The following GLI2 variants were observed in gnomAD, a reference collection of about 807,000 sequenced individuals.
GLI2 encodes transcription activator GLI2.
In GLI2, 22 loss-of-function variants were observed where a neutral mutation model predicts 78.9. The observed-to-expected ratio is 0.28, with a 90% CI of 0.20 to 0.40. GLI2 has a LOEUF of 0.40. GLI2 is among the 10% of genes least tolerant of loss of function. GLI2 has a pLI of 1.00. For missense variants in GLI2, 2,097 were observed against 2,213.2 expected (o/e 0.95, Z 1.05); for synonymous variants, 974 against 963.7 (o/e 1.01, Z -0.20).
At chr2:120,804,477 G>GCC (rs1684852830) in intron 2 of GLI2, among the ~76,000 whole-genome samples, 1 of 152,236 alleles carries the variant, frequency 6.6e-6, no homozygotes, top group Non-Finnish European at 1.5e-5. Flanking sequence ...GCTGGCCGTG[G>GCC]TCTTTGGCCC....
intron 3 of GLI2, among the ~76,000 whole-genome samples, chr2:120,938,855 C>G (rs1477132051): frequency 6.6e-6 from 1 of 152,220 alleles, no homozygotes; most frequent in Non-Finnish European, 1.5e-5. Flanking sequence ...AGTTCCCCAC[C>G]AGCGCCAGCC....
At chr2:120,804,089 C>A (rs1684827945) in intron 2 of GLI2, among the ~76,000 whole-genome samples, 2 of 152,154 alleles carry the variant, frequency 1.3e-5, no homozygotes, top group African/African-American at 4.8e-5. Flanking sequence ...TTCTGAGGCA[C>A]AGTTTTGCTT....
At position 120,904,586 on chromosome 2, in the gene GLI2, A is replaced by C. The variant is rs1251499452; in HGVS notation, c.149-22775A>C. Among the ~76,000 whole-genome samples, 4 of 152,142 alleles carry C rather than the reference A, an allele frequency of 2.6e-5. 1 individual carries two copies. The South Asian group carries it at 8.3e-4, about 32-fold the overall frequency. ...AAGGGAAGTGGCACTGTGACTGAGGAAGGACCCACCTTCCCAGGAGGAGGG... is the reference window on the plus strand; with the variant it reads ...AAGGGAAGTGGCACTGTGACTGAGGCAGGACCCACCTTCCCAGGAGGAGGG... On this transcript the variant is annotated intron_variant, in intron 2 of 13. Coordinates refer to ENST00000361492, the MANE Select transcript of GLI2 (RefSeq NM_001374353.1).
chr2:120,965,940 G>A (rs904538849), intron 5 of GLI2, among the ~76,000 whole-genome samples: 9 of 152,202 alleles, frequency 5.9e-5, no homozygotes, highest in Non-Finnish European at 1.2e-4. Context: ...ATCCCCAGAA[G>A]CAACTATGGA....
chr2:120,797,604 C>A, intron 2 of GLI2, 136 bp downstream of exon 2: 2 of 816,182 alleles, frequency 2.5e-6, no homozygotes, highest in Non-Finnish European at 3.9e-6. Context: ...GGCACCTCTG[C>A]TCCCAGGAAT....
intron 9 of GLI2, among the ~76,000 whole-genome samples, chr2:120,975,908 G>A (rs567245536): frequency 2.6e-5 from 4 of 152,232 alleles, no homozygotes; most frequent in Admixed American, 1.3e-4. Context: ...CCTATAAAGG[G>A]GGTTGATGCT....
intron 2 of GLI2, among the ~76,000 whole-genome samples, chr2:120,881,812 A>AAG (rs1677164872): frequency 8.2e-4 from 18 of 21,990 alleles, no homozygotes; most frequent in South Asian, 3.3e-3. Context: ...AGTGGGGGAG[A>AAG]ACAGTCGTGG....
intron 2 of GLI2, among the ~76,000 whole-genome samples, chr2:120,824,436 G>A (rs770271159): frequency 2.6e-5 from 4 of 152,208 alleles, no homozygotes; most frequent in Non-Finnish European, 2.9e-5. Flanking sequence ...TCGCCACCCC[G>A]GGAAGCTGCT....
At chr2:120,764,740 C>T (rs906095462) in intron 1 of GLI2, among the ~76,000 whole-genome samples, 5 of 152,176 alleles carry the variant, frequency 3.3e-5, no homozygotes, top group African/African-American at 1.2e-4. Flanking sequence ...GTTGCTATTT[C>T]GAAGACTCTG....
intron 1 of GLI2, among the ~76,000 whole-genome samples, chr2:120,739,665 C>T (rs568807109): frequency 4.0e-4 from 61 of 152,224 alleles, no homozygotes; most frequent in Non-Finnish European, 5.9e-4. Context: ...CAGCTGTTCC[C>T]GCTGGGCCAG....
At chr2:120,950,186 G>A (rs528410695) in intron 3 of GLI2, among the ~76,000 whole-genome samples, 7 of 152,322 alleles carry the variant, frequency 4.6e-5, no homozygotes, top group African/African-American at 9.6e-5. Context: ...ACTGAGGCTC[G>A]GAGAGGTTAC....
chr2:120,990,590 G>C lies in GLI2; in HGVS notation c.4625G>C (p.Gly1542Ala). 6.2e-7 allele frequency: 1 copy of C among 1,613,856 alleles called. No individual in the cohort carries two copies. The highest frequency in any genetic ancestry group is 1.3e-5 in the African/African-American group (1 of 75,010). The change falls in exon 14 of 14, where the codon GGC becomes GCC. Residue 1542 changes from glycine (G) to alanine (A), a missense_variant. Physicochemically the swap from Gly to Ala is moderately conservative, Grantham distance 60. This residue lies in a region of GLI2 where 1,290 missense variants were observed against 1,261.7 expected (regional missense o/e 1.02). Transcript: ENST00000361492. Reference protein sequence around the residue: ...NSLTLPSIPAGISNMAVGDMS... With the variant: ...NSLTLPSIPAAISNMAVGDMS... Reference sequence around the variant, plus strand: ...TTGACCCTGCCCTCCATCCCCGCAGGCATCAGCAACATGGCTGTCGGGGAC... The same window carrying C: ...TTGACCCTGCCCTCCATCCCCGCAGCCATCAGCAACATGGCTGTCGGGGAC...
At chr2:120,798,784 G>C (rs941114370) in intron 2 of GLI2, among the ~76,000 whole-genome samples, 2 of 152,124 alleles carry the variant, frequency 1.3e-5, no homozygotes, top group African/African-American at 4.8e-5. Context: ...CTGGTGGAGC[G>C]GCCCTGGTCC....
intron 1 of GLI2, among the ~76,000 whole-genome samples, chr2:120,767,975 C>A (rs538166714): frequency 6.6e-6 from 1 of 152,342 alleles, no homozygotes; most frequent in South Asian, 2.1e-4. Flanking sequence ...CCCCCCACCA[C>A]AGTCAGTGCT....
At chr2:120,986,193 T>C in intron 12 of GLI2, 85 bp from the exon 13 acceptor site, 1 of 1,230,498 alleles carries the variant, frequency 8.1e-7, no homozygotes, top group Admixed American at 1.8e-5. Flanking sequence ...TGGGCGAGGG[T>C]GTGGTGCCTG....
Position 120,970,386 on chromosome 2 carries a change from G to T in GLI2, c.846-7G>T, listed in dbSNP as rs750821749. The T allele has an allele frequency of 6.4e-7, 1 of 1,572,246 alleles. No homozygotes were observed. Among genetic ancestry groups the T allele is most frequent in the Non-Finnish European group, 8.8e-7 (1 of 1,142,440 alleles). On this transcript the variant is annotated splice_polypyrimidine_tract_variant and splice_region_variant and intron_variant, in intron 6 of 13. Coordinates refer to ENST00000361492, the MANE Select transcript of GLI2 (RefSeq NM_001374353.1). Reference sequence around the variant, plus strand: ...ACCCCCACTTCCTTGTCTGCTCTCTGTTGCAGCCCAGCCTTCACCTTCCCC... The same window carrying T: ...ACCCCCACTTCCTTGTCTGCTCTCTTTTGCAGCCCAGCCTTCACCTTCCCC...
intron 2 of GLI2, among the ~76,000 whole-genome samples, chr2:120,873,667 G>A (rs1008648746): frequency 3.3e-5 from 5 of 152,180 alleles, no homozygotes; most frequent in East Asian, 1.9e-4. Flanking sequence ...ATTTTGGTCC[G>A]CTTTTGAATG....
In GLI2 at chr2:120,779,338, G is replaced by C. The variant is rs145910812; in HGVS notation, c.-30-17953G>C. On this transcript the variant is annotated intron_variant, in intron 1 of 13. Transcript: ENST00000361492. ...TGCTGACGAAGGATCTTACACCAGG[G>C]TGTGTGTGAGCCCCTGGCCAGTGCT... Among the ~76,000 whole-genome samples the C allele has an allele frequency of 1.6e-3, 247 of 152,290 alleles. 2 individuals carry two copies. Among genetic ancestry groups the C allele is most frequent in the Non-Finnish European group, 2.9e-3 (195 of 68,028 alleles).
chr2:120,982,683 G>C, intron 10 of GLI2, 33 bp from the exon 11 acceptor site: 3 of 1,588,230 alleles, frequency 1.9e-6, no homozygotes, highest in Non-Finnish European at 2.6e-6. Context: ...GGCCCCCTGG[G>C]GTGCCTTGAC....
Sources: allele counts gnomAD v4.1 joint callset (sites outside exome capture counted in the v4.1 genomes callset), GRCh38; gene constraint gnomAD v4.1.1; regional missense constraint gnomAD v4.1.1; transcripts MANE v1.5; gene names NCBI Gene and HGNC (gene_info 2026-07-23, HGNC 2026-07-21).